Variants in BABAM2 observed in about 807,000 individuals in gnomAD.
BABAM2 encodes the protein BRISC and BRCA1-A complex member 2.
A neutral mutation model predicts 54.7 loss-of-function variants in BABAM2; 31 were observed. That is an observed-to-expected ratio of 0.57 (90% CI 0.43 to 0.77). The LOEUF (loss-of-function observed/expected upper bound fraction) is 0.77. Ranked by LOEUF, BABAM2 falls within the 30% of genes least tolerant of loss-of-function variation. The pLI is 0.00. For synonymous variants in BABAM2, 167 were observed against 162.9 expected (o/e 1.03, Z -0.19); for missense variants, 364 against 455.8 (o/e 0.80, Z 1.83).
Position 28,322,599 on chromosome 2 carries a change from A to ATG in BABAM2, c.1089-15850_1089-15849dup, listed in dbSNP as rs1278060201. Among the ~76,000 whole-genome samples the ATG allele has an allele frequency of 6.6e-6, 1 of 152,200 alleles. No individual in the cohort carries two copies. Among genetic ancestry groups the ATG allele is most frequent in the Non-Finnish European group, 1.5e-5 (1 of 68,042 alleles). On this transcript the variant is annotated intron_variant, in intron 11 of 11. Transcript: ENST00000379624. The surrounding 1 kb of genome is among the most constrained non-coding windows in gnomAD (Gnocchi z 4.1). ...AGCAAGGTTCTCTGGTTAGCACCAA[A>ATG]TGAGTGGCTCAACAGTTCGTGTTGT...
chr2:28,039,481 A>G (rs1676907567), intron 5 of BABAM2, among the ~76,000 whole-genome samples: 1 of 152,260 alleles, frequency 6.6e-6, no homozygotes, highest in Non-Finnish European at 1.5e-5. Flanking sequence ...TTCAGAGTCC[A>G]TTTGAAGAAT....
chr2:28,201,725 A>G (rs1482003417), intron 7 of BABAM2, among the ~76,000 whole-genome samples: 1 of 152,200 alleles, frequency 6.6e-6, no homozygotes, highest in Non-Finnish European at 1.5e-5. Context: ...CGTAGCCTCA[A>G]CTAATCCTCC....
intron 7 of BABAM2, among the ~76,000 whole-genome samples, chr2:28,194,466 G>T (rs1677283480): frequency 1.3e-5 from 2 of 150,518 alleles, no homozygotes; most frequent in African/African-American, 4.9e-5. Context: ...TTTCTGCCAA[G>T]AAAACAGAAA....
At chr2:27,958,962 A>G (rs980382576) in intron 3 of BABAM2, among the ~76,000 whole-genome samples, 1 of 152,320 alleles carries the variant, frequency 6.6e-6, no homozygotes, top group South Asian at 2.1e-4. Flanking sequence ...ACCCAAAGCC[A>G]CTTGTAGTTT....
At chr2:28,223,895 T>C (rs1680634209) in intron 7 of BABAM2, among the ~76,000 whole-genome samples, 1 of 152,172 alleles carries the variant, frequency 6.6e-6, no homozygotes, top group South Asian at 2.1e-4. Flanking sequence ...TATGCTATGC[T>C]AGAACAAGGG....
chr2:28,083,041 G>A (rs867152746), intron 6 of BABAM2, among the ~76,000 whole-genome samples: 23 of 152,252 alleles, frequency 1.5e-4, no homozygotes, highest in Middle Eastern at 3.4e-3. Flanking sequence ...ATTCTGGCAC[G>A]TAAAATGATG....
rs189696948 is a variant in BABAM2 at position 28,197,413 on chromosome 2, G to A, written c.681-39789G>A. Among the ~76,000 whole-genome samples, 15 of 152,312 alleles carry A rather than the reference G, an allele frequency of 9.8e-5. No homozygotes were observed. The East Asian group carries it at 2.7e-3, about 27-fold the overall frequency. On this transcript the variant is annotated intron_variant, in intron 7 of 11. Coordinates refer to ENST00000379624, the MANE Select transcript of BABAM2 (RefSeq NM_199191.3). ...ATGAAATCATAAAACAGAGGACTTT[G>A]TGCTTTGCAAGTGCTCAACGATGTT...
chr2:27,986,665 G>T lies in BABAM2; in HGVS notation c.206-1328G>T, dbSNP rs118092493. Among the ~76,000 whole-genome samples the T allele has an allele frequency of 1.2e-3, 187 of 152,236 alleles. 4 individuals carry two copies. The East Asian group carries it at 0.027, about 22-fold the overall frequency. On this transcript the variant is annotated intron_variant, in intron 3 of 11. Coordinates refer to ENST00000379624, the MANE Select transcript of BABAM2 (RefSeq NM_199191.3). ...GCTGAGTTTGACATTGAAATGCCTA[G>T]TACATAGATATTTAAGGACTCAAAT...
chr2:28,230,730 AAG>A (rs1491294003), intron 7 of BABAM2, among the ~76,000 whole-genome samples: 19 of 141,078 alleles, frequency 1.3e-4, no homozygotes, highest in East Asian at 1.3e-3. Flanking sequence ...AAAAAAAAAA[AAG>A]AAGAAGAAAG....
intron 11 of BABAM2, among the ~76,000 whole-genome samples, chr2:28,311,855 G>A (rs913387831): frequency 6.6e-6 from 1 of 152,188 alleles, no homozygotes; most frequent in Non-Finnish European, 1.5e-5. Context: ...TAAGTACACC[G>A]TGTACGTGAT....
chr2:28,188,418 T>A (rs1676552216), intron 7 of BABAM2, among the ~76,000 whole-genome samples: 1 of 152,220 alleles, frequency 6.6e-6, no homozygotes, highest in Non-Finnish European at 1.5e-5. Context: ...GTTATATTTT[T>A]AAACTATACT....
upstream of BABAM2, chr2:27,890,412 G>C (rs1024851311): frequency 1.4e-6 from 2 of 1,478,970 alleles, no homozygotes; most frequent in African/African-American, 1.4e-5. The surrounding 1 kb of genome is among the most constrained non-coding windows in gnomAD (Gnocchi z 4.8). Context: ...CGTAACCAGA[G>C]ACGCCACTCC....
Position 28,009,282 on chromosome 2 carries a change from G to GT in BABAM2, c.301-15942dup, listed in dbSNP as rs550831443. ...TGTGTCTTTTTAAGATGCTTCCACA[G>GT]TTATTCTGATGATAGCCAGTGTGGA... On this transcript the variant is annotated intron_variant, in intron 4 of 11. Transcript: ENST00000379624. Among the ~76,000 whole-genome samples, 6 of 152,186 alleles carry GT rather than the reference G, an allele frequency of 3.9e-5. No individual in the cohort carries two copies. In the South Asian group the frequency reaches 1.2e-3, roughly 32 times the overall value.
chr2:28,323,042 G>A (rs1010424159), intron 11 of BABAM2, among the ~76,000 whole-genome samples: 4 of 152,168 alleles, frequency 2.6e-5, no homozygotes, highest in East Asian at 1.9e-4. Flanking sequence ...GGCTCTGCCC[G>A]TGGCTGTGAA....
Position 28,294,162 on chromosome 2 carries a change from C to T in BABAM2, c.935-4176C>T, listed in dbSNP as rs376061177. Among the ~76,000 whole-genome samples, 805 of 152,194 alleles carry T rather than the reference C, an allele frequency of 5.3e-3. 13 individuals are homozygous for T. The highest frequency in any genetic ancestry group is 0.048 in the South Asian group (232 of 4,818). On this transcript the variant is annotated intron_variant, in intron 10 of 11. Coordinates refer to ENST00000379624, the MANE Select transcript of BABAM2 (RefSeq NM_199191.3). ...TTGGGAGGCTGAGGCGGGCAAGTCA[C>T]AAGGTCAGGAGTTCAAGACCAGCCT... is the stretch of plus-strand genomic sequence containing the variant.
intron 7 of BABAM2, among the ~76,000 whole-genome samples, chr2:28,131,471 T>A (rs2148773179): frequency 6.6e-6 from 1 of 152,256 alleles, no homozygotes; most frequent in East Asian, 1.9e-4. Flanking sequence ...AGGCAAGGGC[T>A]CTGAGTCAAG....
At chr2:28,009,176 A>G (rs1056109627) in intron 4 of BABAM2, among the ~76,000 whole-genome samples, 1 of 152,110 alleles carries the variant, frequency 6.6e-6, no homozygotes, top group Non-Finnish European at 1.5e-5. Flanking sequence ...CTCCAAAATC[A>G]TGAATAGATT....
At chr2:28,064,401 CT>C (rs1283621365) in intron 6 of BABAM2, among the ~76,000 whole-genome samples, 1 of 152,184 alleles carries the variant, frequency 6.6e-6, no homozygotes, top group Non-Finnish European at 1.5e-5. Context: ...ACTTAGAAGC[CT>C]TGTTAAGGCT....
chr2:27,959,534 ATTTC>A (rs1440099294), intron 3 of BABAM2, among the ~76,000 whole-genome samples: 2 of 151,446 alleles, frequency 1.3e-5, no homozygotes, highest in Non-Finnish European at 2.9e-5. Context: ...CTATTTCAAT[ATTTC>A]TTAATGTTCT....
Sources: allele counts gnomAD v4.1 joint callset (sites outside exome capture counted in the v4.1 genomes callset), GRCh38; gene constraint gnomAD v4.1.1; non-coding constraint Gnocchi (gnomAD v3.1); transcripts MANE v1.5; gene names NCBI Gene and HGNC (gene_info 2026-07-23, HGNC 2026-07-21).